ZNF549: variants seen among roughly 807,000 people sequenced by gnomAD.
ZNF549 encodes the protein zinc finger protein 549.
Under a neutral mutation model 11.1 loss-of-function variants are expected in ZNF549, and 11 were observed. The ratio of observed to expected loss-of-function variants is 0.99; its 90% confidence interval spans 0.62 to 1.64. ZNF549 has a LOEUF of 1.64. Among genes scored for constraint, ZNF549 ranks in the 40% most tolerant of loss-of-function variants. ZNF549 has a pLI of 0.00. For synonymous variants in ZNF549, 266 were observed against 269.1 expected (o/e 0.99, Z 0.11); for missense variants, 748 against 765.1 (o/e 0.98, Z 0.26).
At chr19:57,536,004 G>A (rs2089923047) in intron 3 of ZNF549, among the ~76,000 whole-genome samples, 1 of 152,024 alleles carries the variant, frequency 6.6e-6, no homozygotes, top group South Asian at 2.1e-4. Context: ...CACTATTTTG[G>A]TGCCAGGGCT....
At chr19:57,536,444 C>T (rs150794518) in intron 3 of ZNF549, among the ~76,000 whole-genome samples, 1 of 152,278 alleles carries the variant, frequency 6.6e-6, no homozygotes, top group African/African-American at 2.4e-5. Context: ...AGTATGGTTT[C>T]TACTGAATGT....
rs1244717444 is a variant in ZNF549 at position 57,537,561 on chromosome 19, A to G, written c.557A>G (p.Asp186Gly). 1.2e-6 allele frequency: 2 copies of G among 1,614,114 alleles called. No homozygotes were observed. Among genetic ancestry groups the G allele is most frequent in the Non-Finnish European group, 1.7e-6 (2 of 1,180,048 alleles). The change falls in exon 4 of 4, where the codon GAT becomes GGT. Residue 186 changes from aspartate (D) to glycine (G), a missense_variant. Physicochemically the swap from Asp to Gly is moderately conservative, Grantham distance 94. Transcript: ENST00000376233. The part of the protein sequence containing the change: ...PLSDNLFPCK[D>G]VEKDFPTILG... ...TCAGACAATCTTTTCCCATGCAAAG[A>G]TGTTGAGAAGGATTTTCCAACCATC...
chr19:57,527,825 C>T (rs1318799548), intron 1 of ZNF549, among the ~76,000 whole-genome samples: 1 of 152,100 alleles, frequency 6.6e-6, no homozygotes, highest in Non-Finnish European at 1.5e-5. Flanking sequence ...CGCGAGCATT[C>T]GGAAACTTGG....
chr19:57,539,118 A>G lies in ZNF549; in HGVS notation c.*191A>G, dbSNP rs1426406448. 6.5e-6 allele frequency: 4 copies of G among 616,924 alleles called. No homozygotes were observed. Among genetic ancestry groups the G allele is most frequent in the Non-Finnish European group, 8.3e-6 (3 of 361,184 alleles). The allele number at this position is 616,924 out of a possible 1,614,324, so 38.2% of individuals were successfully genotyped here. A position where few individuals can be genotyped will look rare whatever the true frequency, so the allele number is the denominator to read the frequency against. ...ACTTTCTAATCTGCCCAGTGTTACA[A>G]CAGACACTACCATGTGGCATATCCT... On this transcript the variant is annotated 3_prime_UTR_variant, in exon 4 of 4. Transcript: ENST00000376233.
At chr19:57,534,098 T>C (rs115056216) in intron 2 of ZNF549, among the ~76,000 whole-genome samples, 2,034 of 152,274 alleles carry the variant, frequency 0.013, 51 homozygotes, top group African/African-American at 0.046. Flanking sequence ...AGGAACACTC[T>C]TCAGGTCATA....
chr19:57,532,969 C>G (rs1038783002), intron 2 of ZNF549, among the ~76,000 whole-genome samples: 7 of 152,154 alleles, frequency 4.6e-5, no homozygotes, highest in African/African-American at 1.7e-4. Context: ...CTCAACCTCC[C>G]GAGTGGCTGG....
chr19:57,533,117 A>T (rs2089910775), intron 2 of ZNF549, among the ~76,000 whole-genome samples: 1 of 152,088 alleles, frequency 6.6e-6, no homozygotes, highest in African/African-American at 2.4e-5. Flanking sequence ...AGTGCCTGTG[A>T]TGTTTTCTTG....
chr19:57,538,432 T>C lies in ZNF549; in HGVS notation c.1428T>C (p.Ser476=), dbSNP rs750477563. 2.5e-6 allele frequency: 4 copies of C among 1,613,992 alleles called. No individual in the cohort carries two copies. In the African/African-American group the frequency reaches 5.3e-5, roughly 22 times the overall value. Residue 476 remains serine, a synonymous_variant, in exon 4 of 4, where the codon AGT becomes AGC. Transcript: ENST00000376233. ...CTGGAGAAAGGGCTTATGAATGCAG[T>C]GACTGTGGGAAAGCCTTCATCTCCA... is the stretch of plus-strand genomic sequence containing the variant. The part of the protein sequence containing the change: ...IHTGERAYEC[S]DCGKAFISKQ...
Position 57,538,038 on chromosome 19 carries a change from A to G in ZNF549, c.1034A>G (p.Gln345Arg). 1 of 1,614,184 alleles carries G rather than the reference A, an allele frequency of 6.2e-7. No homozygotes were observed. The highest frequency in any genetic ancestry group is 2.2e-5 in the East Asian group (1 of 44,882). Reference sequence around the variant, plus strand: ...TGTGGGAAATCATTCCGCCACAAACAAACATTTGTTGGCCATCAGCAGAGA... The same window carrying G: ...TGTGGGAAATCATTCCGCCACAAACGAACATTTGTTGGCCATCAGCAGAGA... ...NVCGKSFRHKQTFVGHQQRIH... is the reference protein window; with the variant it reads ...NVCGKSFRHKRTFVGHQQRIH... The change falls in exon 4 of 4, where the codon CAA becomes CGA. Residue 345 changes from glutamine (Q) to arginine (R), a missense_variant. Coordinates refer to ENST00000376233, the MANE Select transcript of ZNF549 (RefSeq NM_001199295.2).
At position 57,538,953 on chromosome 19, in the gene ZNF549, T is replaced by TA; in HGVS notation, c.*27dup. ...CAATTGTTGGGATGTGTAATTGTCT[T>TA]ATTCACTGTAGGACACCAGAGAGCT... is the stretch of plus-strand genomic sequence containing the variant. On this transcript the variant is annotated 3_prime_UTR_variant, in exon 4 of 4. Coordinates refer to ENST00000376233, the MANE Select transcript of ZNF549 (RefSeq NM_001199295.2). 1 of 1,576,882 alleles carries TA rather than the reference T, an allele frequency of 6.3e-7. No homozygotes were observed. Among genetic ancestry groups the TA allele is most frequent in the Non-Finnish European group, 8.6e-7 (1 of 1,167,548 alleles).
chr19:57,537,237 C>G lies in ZNF549; in HGVS notation c.233C>G (p.Pro78Arg), dbSNP rs768209013. Residue 78 changes from proline to arginine, a missense_variant, in exon 4 of 4, where the codon CCT becomes CGT. Transcript: ENST00000376233. ...CLHGIEAEEA[P>R]SEQTLSAQGV... ...CATGGAATAGAGGCTGAGGAGGCCC[C>G]TTCTGAGCAGACTCTTTCTGCGCAA... is the stretch of plus-strand genomic sequence containing the variant. The G allele has an allele frequency of 3.1e-6, 5 of 1,614,024 alleles. No individual in the cohort carries two copies. In the African/African-American group the frequency reaches 5.3e-5, roughly 17 times the overall value.
intron 3 of ZNF549, 74 bp from the exon 4 acceptor site, chr19:57,537,130 A>C: frequency 6.6e-7 from 1 of 1,507,214 alleles, no homozygotes; most frequent in Non-Finnish European, 8.9e-7. Context: ...CCTGTGTTCC[A>C]CAGGTATTTG....
chr19:57,529,258 C>A (rs1402090024), intron 1 of ZNF549, among the ~76,000 whole-genome samples: 1 of 152,194 alleles, frequency 6.6e-6, no homozygotes, highest in East Asian at 1.9e-4. Flanking sequence ...TCAGAGGATA[C>A]CTTTCAAGAA....
In ZNF549 at chr19:57,538,742, A is replaced by G. The variant is rs757948973; in HGVS notation, c.1738A>G (p.Ser580Gly). 93 of 1,614,112 alleles carry G rather than the reference A, an allele frequency of 5.8e-5. 2 individuals carry two copies. Among genetic ancestry groups the G allele is most frequent in the South Asian group, 3.1e-4 (28 of 91,094 alleles). The stretch of plus-strand genomic sequence containing the variant: ...CCTCATTCAACACCAGAAAGTTCAC[A>G]GTGGAGAGAGGCCTTATAACTGCAC... The part of the protein sequence containing the change: ...TSLIQHQKVH[S>G]GERPYNCTAC... Residue 580 changes from serine to glycine, a missense_variant, in exon 4 of 4, where the codon AGT becomes GGT. Physicochemically the swap from Ser to Gly is moderately conservative, Grantham distance 56. Coordinates refer to ENST00000376233, the MANE Select transcript of ZNF549 (RefSeq NM_001199295.2).
At position 57,527,463 on chromosome 19, in the gene ZNF549, G is replaced by A; in HGVS notation, c.-111G>A. The A allele has an allele frequency of 6.8e-7, 1 of 1,470,948 alleles. No individual in the cohort carries two copies. Among genetic ancestry groups the A allele is most frequent in the Non-Finnish European group, 9.3e-7 (1 of 1,070,616 alleles). 91.1% of individuals were successfully genotyped at this position (1,470,948 alleles called of 1,614,324 possible). ...GGTGGAGGTGGTGTCCGCCCGCAGA[G>A]GAGCTTGCCTGGTCTCGGTCTGAGC... On this transcript the variant is annotated 5_prime_UTR_variant, in exon 1 of 4. Coordinates refer to ENST00000376233, the MANE Select transcript of ZNF549 (RefSeq NM_001199295.2).
At chr19:57,535,395 T>A in intron 3 of ZNF549, 125 bp downstream of exon 3, 1 of 1,384,758 alleles carries the variant, frequency 7.2e-7, no homozygotes. Flanking sequence ...TCTTGACCTG[T>A]GGAAGACATA....
At position 57,537,834 on chromosome 19, in the gene ZNF549, G is replaced by A; in HGVS notation, c.830G>A (p.Cys277Tyr). The change falls in exon 4 of 4, where the codon TGC becomes TAC. Residue 277 changes from cysteine to tyrosine, a missense_variant. Physicochemically the swap from Cys to Tyr is radical, Grantham distance 194. Transcript: ENST00000376233. ...CATAATGCAGAAAAGCCTTATGTGTGCAATATATGTGGGAAATCATTCCTC... is the reference window on the plus strand; with the variant it reads ...CATAATGCAGAAAAGCCTTATGTGTACAATATATGTGGGAAATCATTCCTC... ...RTHNAEKPYV[C>Y]NICGKSFLHK... 6.2e-7 allele frequency: 1 copy of A among 1,614,192 alleles called. No individual in the cohort carries two copies. Among genetic ancestry groups the A allele is most frequent in the Non-Finnish European group, 8.5e-7 (1 of 1,180,044 alleles).
Position 57,539,034 on chromosome 19 carries a change from T to A in ZNF549, c.*107T>A. 1 of 1,267,332 alleles carries A rather than the reference T, an allele frequency of 7.9e-7. No individual in the cohort carries two copies. Among genetic ancestry groups the A allele is most frequent in the Non-Finnish European group, 1.1e-6 (1 of 925,306 alleles). The allele number at this position is 1,267,332 out of a possible 1,614,324, so 78.5% of individuals were successfully genotyped here. On this transcript the variant is annotated 3_prime_UTR_variant, in exon 4 of 4. Transcript: ENST00000376233. ...TCACCCTCATACATCTGCATATCAC[T>A]AGTTGAAAGATTCACTACAAGGTCC...
At position 57,535,354 on chromosome 19, in the gene ZNF549, G is replaced by C. The variant is rs773153666; in HGVS notation, c.199+84G>C. The C allele has an allele frequency of 2.2e-5, 33 of 1,516,092 alleles. 1 individual carries two copies. The Admixed American group carries it at 6.2e-4, about 29-fold the overall frequency. 93.9% of individuals were successfully genotyped at this position (1,516,092 alleles called of 1,614,324 possible). A position where few individuals can be genotyped will look rare whatever the true frequency, so the allele number is the denominator to read the frequency against. On this transcript the variant is annotated intron_variant, in intron 3 of 3. Transcript: ENST00000376233. ...CCAGGAGTTTCCTGTCTTTCCCAGA[G>C]TTGGACATGGGCCCTTCTTCTTTCC...
Sources: allele counts gnomAD v4.1 joint callset (sites outside exome capture counted in the v4.1 genomes callset), GRCh38; gene constraint gnomAD v4.1.1; transcripts MANE v1.5; gene names NCBI Gene and HGNC (gene_info 2026-07-23, HGNC 2026-07-21).